The following KIF27 variants were observed in gnomAD, a reference collection of about 807,000 sequenced individuals.
KIF27 encodes the protein kinesin-like protein KIF27.
In KIF27, 84 loss-of-function variants were observed where a neutral mutation model predicts 141.8. That is an observed-to-expected ratio of 0.59 (90% CI 0.50 to 0.71). KIF27 has a LOEUF of 0.71. Ranked by LOEUF, KIF27 falls within the 30% of genes least tolerant of loss-of-function variation. KIF27 has a pLI of 0.00. For missense variants in KIF27, 1,306 were observed against 1,628.4 expected (o/e 0.80, Z 3.41); for synonymous variants, 471 against 569.5 (o/e 0.83, Z 2.46).
intron 2 of KIF27, among the ~76,000 whole-genome samples, chr9:83,914,980 T>C (rs1955547704): frequency 6.6e-6 from 1 of 152,352 alleles, no homozygotes; most frequent in South Asian, 2.1e-4. Context: ...TGTTAAAGAA[T>C]GCAAAATCTA....
chr9:83,842,717 C>T (rs371418764), intron 16 of KIF27, among the ~76,000 whole-genome samples: 24 of 152,268 alleles, frequency 1.6e-4, no homozygotes, highest in East Asian at 1.2e-3. Context: ...CCGCCCGCCT[C>T]GGCCTCCCAA....
At position 83,903,934 on chromosome 9, in the gene KIF27, G is replaced by A. The variant is rs369710588; in HGVS notation, c.584C>T (p.Thr195Ile). Residue 195 changes from threonine (T) to isoleucine (I), a missense_variant, in exon 4 of 18, where the codon ACA becomes ATA. Thr to Ile is a moderately conservative substitution (Grantham distance 89, BLOSUM62 -1). Transcript: ENST00000297814. ...GTGCTCATTCATTTGAGTGGTACCT[G>A]TATGTCTGGCTGCATTCCCCATCTC... ...LLEMGNAARH[T>I]GTTQMNEHSS... 1.5e-4 allele frequency: 245 copies of A among 1,614,004 alleles called. No individual in the cohort carries two copies. The highest frequency in any genetic ancestry group is 2.0e-4 in the Non-Finnish European group (240 of 1,180,020).
At chr9:83,883,689 A>G in intron 10 of KIF27, 124 bp downstream of exon 10, 1 of 640,478 alleles carries the variant, frequency 1.6e-6, no homozygotes, top group Non-Finnish European at 2.7e-6. Context: ...CTACAAAAGA[A>G]AAGTTGATAC....
intron 5 of KIF27, among the ~76,000 whole-genome samples, chr9:83,893,306 T>C (rs367997233): frequency 2.0e-5 from 3 of 152,222 alleles, no homozygotes; most frequent in East Asian, 1.9e-4. Context: ...GAGTAAAAAA[T>C]GTAGATTTGA....
chr9:83,897,073 A>G (rs1354945072), intron 5 of KIF27, among the ~76,000 whole-genome samples: 4 of 152,194 alleles, frequency 2.6e-5, no homozygotes, highest in African/African-American at 4.8e-5. Context: ...GCTGCATTCT[A>G]TAGTATGTGA....
chr9:83,874,310 C>T lies in KIF27; in HGVS notation c.2644-3678G>A, dbSNP rs138406868. Among the ~76,000 whole-genome samples the T allele has an allele frequency of 6.8e-3, 1,042 of 152,276 alleles. 16 individuals are homozygous for T. The highest frequency in any genetic ancestry group is 0.024 in the African/African-American group (1,000 of 41,548). The stretch of plus-strand genomic sequence containing the variant: ...AAGCTTAAGATCACACCACCACCCA[C>T]AATTTCAGGAATTCTCATATCTTTT... On this transcript the variant is annotated intron_variant, in intron 11 of 17. Coordinates refer to ENST00000297814, the MANE Select transcript of KIF27 (RefSeq NM_017576.4).
At chr9:83,893,715 G>C (rs1341500462) in intron 5 of KIF27, among the ~76,000 whole-genome samples, 2 of 151,780 alleles carry the variant, frequency 1.3e-5, no homozygotes, top group African/African-American at 2.4e-5. Flanking sequence ...GATAGCAGGA[G>C]GTTACCCCAA....
chr9:83,907,887 T>C (rs1954720978), intron 3 of KIF27, among the ~76,000 whole-genome samples: 1 of 152,194 alleles, frequency 6.6e-6, no homozygotes, highest in African/African-American at 2.4e-5. Flanking sequence ...GAAACAATGA[T>C]AGGAAATCAG....
chr9:83,896,987 T>C (rs1259384544), intron 5 of KIF27, among the ~76,000 whole-genome samples: 1 of 152,148 alleles, frequency 6.6e-6, no homozygotes, highest in Non-Finnish European at 1.5e-5. Flanking sequence ...GATAAAAATA[T>C]TCTAAAATTA....
chr9:83,920,024 G>A (rs1588364589), intron 1 of KIF27, among the ~76,000 whole-genome samples: 2 of 151,988 alleles, frequency 1.3e-5, no homozygotes, highest in East Asian at 1.9e-4. Context: ...TTCAGCCCAC[G>A]AGTTCCAGAC....
intron 12 of KIF27, among the ~76,000 whole-genome samples, chr9:83,870,141 C>CTCTATCTA (rs200694940): frequency 0.041 from 6,216 of 151,600 alleles, 163 homozygotes; most frequent in Non-Finnish European, 0.055. Context: ...CTATCTATCT[C>CTCTATCTA]TCTATCTATC....
intron 11 of KIF27, among the ~76,000 whole-genome samples, chr9:83,873,066 T>C (rs1950926416): frequency 6.6e-6 from 1 of 152,226 alleles, no homozygotes; most frequent in Non-Finnish European, 1.5e-5. Context: ...GCCACTGGGC[T>C]AGCAAGCTAG....
At chr9:83,873,505 T>G (rs570721048) in intron 11 of KIF27, among the ~76,000 whole-genome samples, 7 of 152,308 alleles carry the variant, frequency 4.6e-5, no homozygotes, top group South Asian at 2.1e-4. Context: ...GACATGGATA[T>G]AAGAGAAGTG....
At chr9:83,892,010 GA>G (rs1452262675) in intron 5 of KIF27, among the ~76,000 whole-genome samples, 5 of 152,160 alleles carry the variant, frequency 3.3e-5, no homozygotes, top group African/African-American at 9.7e-5. Flanking sequence ...GTCCTGAGAG[GA>G]AGGAGAACTT....
In KIF27 at chr9:83,835,758, ACT is replaced by A. The variant is rs1256716625; in HGVS notation, c.*1241_*1242del. The A allele has an allele frequency of 2.0e-5, 3 of 152,140 alleles. No homozygotes were observed. Among genetic ancestry groups the A allele is most frequent in the African/African-American group, 7.2e-5 (3 of 41,416 alleles). The allele number at this position is 152,140 out of a possible 1,614,324, so 9.4% of individuals were successfully genotyped here. On this transcript the variant is annotated 3_prime_UTR_variant, in exon 18 of 18. Transcript: ENST00000297814. ...AATGGATTCAGCAAGGAAGTGGGTG[ACT>A]CTGAGTAAGCATCCATGTCAGGATG...
Position 83,888,735 on chromosome 9 carries a change from A to G in KIF27, c.1980-143T>C, listed in dbSNP as rs1952362846. On this transcript the variant is annotated intron_variant, in intron 7 of 17. Transcript: ENST00000297814. ...GAATGTTACTAATATTGCTCAAAAT[A>G]AAAGGATGCCCCCCCCATCCATGTT... The G allele has an allele frequency of 1.7e-5, 8 of 475,824 alleles. 1 individual carries two copies. In the East Asian group the frequency reaches 2.7e-4, roughly 16 times the overall value. The allele number at this position is 475,824 out of a possible 1,614,324, so 29.5% of individuals were successfully genotyped here.
intron 5 of KIF27, among the ~76,000 whole-genome samples, chr9:83,896,114 G>A (rs1240363283): frequency 1.3e-5 from 2 of 151,498 alleles, no homozygotes; most frequent in African/African-American, 4.8e-5. Context: ...ATGGCAGCGG[G>A]TGCCTGTAAT....
At chr9:83,869,953 A>G (rs1428358058) in intron 12 of KIF27, among the ~76,000 whole-genome samples, 1 of 152,226 alleles carries the variant, frequency 6.6e-6, no homozygotes, top group African/African-American at 2.4e-5. Context: ...CAGGATTATT[A>G]GAAGCCCAAA....
rs955291544 is a variant in KIF27 at position 83,850,132 on chromosome 9, G to C, written c.3523C>G (p.Gln1175Glu). The part of the protein sequence containing the change: ...RLTLQQKEHE[Q>E]KMQLLLHHFK... ...TGATGTAATAGCAACTGCATCTTTT[G>C]TTCGTGTTCCTTTTGCTGGAGGGTC... The change falls in exon 16 of 18, where the codon CAA (glutamine) becomes GAA (glutamate). Residue 1175 changes from glutamine to glutamate, a missense_variant. Gln to Glu is a conservative substitution (Grantham distance 29). Coordinates refer to ENST00000297814, the MANE Select transcript of KIF27 (RefSeq NM_017576.4). The C allele has an allele frequency of 3.1e-6, 5 of 1,613,854 alleles. No homozygotes were observed. The highest frequency in any genetic ancestry group is 4.2e-6 in the Non-Finnish European group (5 of 1,179,864).
Sources: gnomAD v4.1 joint callset for allele counts (sites outside exome capture counted in the v4.1 genomes callset) on GRCh38, gnomAD v4.1.1 for gene constraint, MANE v1.5 for transcripts, NCBI Gene and HGNC (gene_info 2026-07-23, HGNC 2026-07-21) for gene names.